The following CNTNAP3B variants were observed in gnomAD, a reference collection of about 807,000 sequenced individuals.
CNTNAP3B encodes contactin associated protein family member 3B, also known as contactin-associated protein-like 3B.
A neutral mutation model predicts 108.9 loss-of-function variants in CNTNAP3B; 25 were observed. That is an observed-to-expected ratio of 0.23 (90% CI 0.17 to 0.32). CNTNAP3B has a LOEUF of 0.32. Among genes scored for constraint, CNTNAP3B ranks in the 10% least tolerant of loss-of-function variants. CNTNAP3B has a pLI of 1.00. For synonymous variants in CNTNAP3B, 103 were observed against 473.4 expected, an observed-to-expected ratio of 0.22 and a Z score of 10.16; for missense variants, 252 against 1,210.4, an observed-to-expected ratio of 0.21 and a Z score of 11.75.
chr9:41,963,367 A>T (rs555799758), intron 11 of CNTNAP3B, among the ~76,000 whole-genome samples: 1 of 152,090 alleles, frequency 6.6e-6, no homozygotes, highest in African/African-American at 2.4e-5. Flanking sequence ...AGAAAACTCT[A>T]AAAGTTAAAA....
At chr9:41,960,438 T>C (rs1825043730) in intron 12 of CNTNAP3B, 1 of 202,202 alleles carries the variant, frequency 4.9e-6, no homozygotes, top group South Asian at 1.1e-4. Context: ...TTTCTTAGCA[T>C]TTTTAAACAC....
intron 13 of CNTNAP3B, among the ~76,000 whole-genome samples, chr9:41,947,558 C>T (rs1242164850): frequency 2.0e-5 from 3 of 152,244 alleles, no homozygotes; most frequent in Admixed American, 6.5e-5. Flanking sequence ...ATAGGGAAAA[C>T]GTAGCACTAA....
rs1488676987 is a variant in CNTNAP3B at position 41,953,260 on chromosome 9, G to A, written c.2003C>T (p.Ala668Val). The A allele has an allele frequency of 7.2e-6, 11 of 1,524,732 alleles. No individual in the cohort carries two copies. The South Asian group carries it at 1.1e-4, about 15-fold the overall frequency. The allele number at this position is 1,524,732 out of a possible 1,614,324, so 94.5% of individuals were successfully genotyped here. Residue 668 changes from alanine (A) to valine (V), a missense_variant, in exon 13 of 24, where the codon GCC (alanine) becomes GTC (valine). Transcript: ENST00000377561. ...GCAGCGCTCCGCCAGGTTCACCGCG[G>A]CCCGCAGCTGCCCCGCGCCCGCTGC... ...AYAAGAGQLRAAVNLAERCEQ... is the reference protein window; with the variant it reads ...AYAAGAGQLRVAVNLAERCEQ...
At chr9:42,041,838 A>G (rs1336217801) in intron 3 of CNTNAP3B, among the ~76,000 whole-genome samples, 7 of 144,626 alleles carry the variant, frequency 4.8e-5, no homozygotes, top group Non-Finnish European at 9.1e-5. Context: ...AACCAACCCA[A>G]ATGTCCATCA....
intron 1 of CNTNAP3B, among the ~76,000 whole-genome samples, chr9:42,112,138 G>A (rs1828203949): frequency 7.2e-6 from 1 of 139,704 alleles, no homozygotes; most frequent in African/African-American, 2.8e-5. Flanking sequence ...TTTCCTGAAT[G>A]TGGGATGCAT....
chr9:41,934,196 T>TATATAC (rs1824080922), intron 14 of CNTNAP3B, among the ~76,000 whole-genome samples: 1 of 147,082 alleles, frequency 6.8e-6, no homozygotes, highest in South Asian at 2.1e-4. Flanking sequence ...CACATATATA[T>TATATAC]ATACATACAC....
chr9:42,116,548 A>G (rs1386409833), intron 1 of CNTNAP3B, among the ~76,000 whole-genome samples: 2 of 137,396 alleles, frequency 1.5e-5, no homozygotes, highest in Non-Finnish European at 3.1e-5. Flanking sequence ...AGGAACAACC[A>G]GTACCAGCCA....
At chr9:42,119,901 G>A (rs1828419880) in intron 1 of CNTNAP3B, among the ~76,000 whole-genome samples, 1 of 140,044 alleles carries the variant, frequency 7.1e-6, no homozygotes, top group South Asian at 2.3e-4. Flanking sequence ...ATACCATTCA[G>A]GACACAGTCA....
intron 3 of CNTNAP3B, among the ~76,000 whole-genome samples, chr9:42,060,398 ATCTT>A (rs1282589665): frequency 8.9e-6 from 1 of 112,550 alleles, no homozygotes; most frequent in Non-Finnish European, 1.8e-5. Flanking sequence ...ATCATGAATG[ATCTT>A]TCTAATATGC....
At chr9:41,954,182 T>C (rs1268957624) in intron 12 of CNTNAP3B, among the ~76,000 whole-genome samples, 1 of 152,266 alleles carries the variant, frequency 6.6e-6, no homozygotes, top group African/African-American at 2.4e-5. Context: ...TTTAGAATAA[T>C]GGACATTTTA....
rs1419727828 is a variant in CNTNAP3B, at chr9:42,118,700, A to T, written c.85+10310T>A. On this transcript the variant is annotated intron_variant, in intron 1 of 23. Transcript: ENST00000377561. ...GGGCAATCAGGCAGGAGAAGGAAAT[A>T]AAGGGCATTCAATTAGGAAAAGAGG... Among the ~76,000 whole-genome samples the T allele has an allele frequency of 7.0e-5, 8 of 113,804 alleles. 1 individual carries two copies. The highest frequency in any genetic ancestry group is 5.5e-4 in the Admixed American group (6 of 10,962). The allele number at this position is 113,804 out of a possible 152,430, so 74.7% of individuals were successfully genotyped here.
At chr9:41,997,240 AAAC>A (rs1199937940) in intron 6 of CNTNAP3B, among the ~76,000 whole-genome samples, 15 of 151,686 alleles carry the variant, frequency 9.9e-5, no homozygotes, top group Non-Finnish European at 1.6e-4. Flanking sequence ...CTGCATAGTC[AAAC>A]AACAAGTGTA....
chr9:42,037,173 G>A lies in CNTNAP3B; in HGVS notation c.391-23648C>T, dbSNP rs562288912. Among the ~76,000 whole-genome samples, 1,230 of 146,632 alleles carry A rather than the reference G, an allele frequency of 8.4e-3. 3 individuals carry two copies. Among genetic ancestry groups the A allele is most frequent in the African/African-American group, 0.031 (1,166 of 37,534 alleles). On this transcript the variant is annotated intron_variant, in intron 3 of 23. Coordinates refer to ENST00000377561, the MANE Select transcript of CNTNAP3B (RefSeq NM_001201380.3). The stretch of plus-strand genomic sequence containing the variant: ...TTCAAAGGAATGCAGCTCCTCATCA[G>A]CAATGGAACAAAGCGGGACGGAGAA...
intron 12 of CNTNAP3B, among the ~76,000 whole-genome samples, chr9:41,959,797 C>T (rs1419294140): frequency 6.6e-6 from 1 of 152,308 alleles, no homozygotes; most frequent in Non-Finnish European, 1.5e-5. Context: ...TGCTTGCTGA[C>T]CCATTTGGTT....
intron 2 of CNTNAP3B, among the ~76,000 whole-genome samples, chr9:42,090,791 T>TAC (rs1479006080): frequency 8.5e-5 from 6 of 70,510 alleles, no homozygotes; most frequent in African/African-American, 3.0e-4. Flanking sequence ...GACATATATA[T>TAC]ACACACACTC....
chr9:42,073,046 G>T (rs1441689704), intron 3 of CNTNAP3B, among the ~76,000 whole-genome samples: 2 of 139,592 alleles, frequency 1.4e-5, no homozygotes, highest in Non-Finnish European at 3.1e-5. Context: ...TCTGCTTAGG[G>T]TTCACCATTT....
At chr9:41,938,858 T>A (rs1411263301) in intron 13 of CNTNAP3B, among the ~76,000 whole-genome samples, 1 of 151,878 alleles carries the variant, frequency 6.6e-6, no homozygotes, top group Admixed American at 6.6e-5. Context: ...TGGAAAGATA[T>A]GGTATTCTCT....
rs1378365697 is a variant in CNTNAP3B, at chr9:42,062,831, T to C, written c.390+14038A>G. Among the ~76,000 whole-genome samples, 2 of 95,118 alleles carry C rather than the reference T, an allele frequency of 2.1e-5. 1 individual carries two copies. The highest frequency in any genetic ancestry group is 7.9e-5 in the African/African-American group (2 of 25,384). 62.4% of individuals were successfully genotyped at this position (95,118 alleles called of 152,430 possible). On this transcript the variant is annotated intron_variant, in intron 3 of 23. Coordinates refer to ENST00000377561, the MANE Select transcript of CNTNAP3B (RefSeq NM_001201380.3). ...ATATCTAGTACAGGTTTTTGCTTTG[T>C]GGTTACCAGGAGGCTGACATAAAAT...
In CNTNAP3B at chr9:42,126,455, A is replaced by G. The variant is rs1338365636; in HGVS notation, c.85+2555T>C. 1.5e-5 allele frequency among the ~76,000 whole-genome samples: 2 copies of G among 136,198 alleles called. 1 individual carries two copies. The highest frequency in any genetic ancestry group is 3.1e-5 in the Non-Finnish European group (2 of 64,216). 89.4% of individuals were successfully genotyped at this position (136,198 alleles called of 152,430 possible). On this transcript the variant is annotated intron_variant, in intron 1 of 23. Transcript: ENST00000377561. ...GTCTATGGGCACTGAAGTTACGAAA[A>G]TATTTCCCTTCATGCAGAATCTTCC...
Sources: allele counts gnomAD v4.1 joint callset (sites outside exome capture counted in the v4.1 genomes callset), GRCh38; gene constraint gnomAD v4.1.1; transcripts MANE v1.5; gene names NCBI Gene and HGNC (gene_info 2026-07-23, HGNC 2026-07-21).